Variants in STK40 observed in about 807,000 individuals in gnomAD.
STK40 encodes the protein serine/threonine kinase 40, also known as serine/threonine-protein kinase 40.
STK40 carries 13 observed loss-of-function variants against 47.9 expected under a neutral mutation model. The ratio of observed to expected loss-of-function variants is 0.27; its 90% CI spans 0.18 to 0.43. STK40 has a LOEUF of 0.43. STK40 is among the 20% of genes least tolerant of loss of function. The pLI, the probability that STK40 is intolerant of heterozygous loss-of-function variation, is 1.00. For missense variants in STK40, 460 were observed against 595.1 expected (o/e 0.77, Z 2.36); for synonymous variants, 225 against 243.2 (o/e 0.93, Z 0.69).
intron 6 of STK40, among the ~76,000 whole-genome samples, chr1:36,349,034 C>G (rs546455270): frequency 2.0e-5 from 3 of 152,234 alleles, no homozygotes; most frequent in Non-Finnish European, 4.4e-5. Flanking sequence ...GCTGTCCCAG[C>G]AGGGATCGGC....
intron 9 of STK40, 84 bp from the exon 10 acceptor site, chr1:36,343,532 G>C (rs1646673067): frequency 7.6e-7 from 1 of 1,321,164 alleles, no homozygotes; most frequent in South Asian, 1.4e-5. Flanking sequence ...GACACACCTG[G>C]GTTGTGTTCC....
intron 1 of STK40, among the ~76,000 whole-genome samples, chr1:36,378,371 G>C (rs1647009679): frequency 6.6e-6 from 1 of 152,200 alleles, no homozygotes; most frequent in Admixed American, 6.5e-5. Context: ...CTGAGCCTGA[G>C]TGTTCTCTGT....
intron 6 of STK40, among the ~76,000 whole-genome samples, chr1:36,351,289 C>A (rs1164883360): frequency 1.3e-5 from 2 of 151,936 alleles, no homozygotes; most frequent in Non-Finnish European, 2.9e-5. Flanking sequence ...CCAACACCTC[C>A]CCCTGTCTGC....
At chr1:36,345,044 C>G (rs371910709) in intron 7 of STK40, among the ~76,000 whole-genome samples, 3 of 152,350 alleles carry the variant, frequency 2.0e-5, no homozygotes, top group African/African-American at 7.2e-5. Context: ...CTGCTTGCCT[C>G]CTTTCAGGGC....
chr1:36,361,205 A>G lies in STK40; in HGVS notation c.112+16T>C. 1 of 1,613,722 alleles carries G rather than the reference A, an allele frequency of 6.2e-7. No individual in the cohort carries two copies. Among genetic ancestry groups the G allele is most frequent in the Non-Finnish European group, 8.5e-7 (1 of 1,179,926 alleles). On this transcript the variant is annotated intron_variant, in intron 2 of 10. Transcript: ENST00000373132. ...CCTCCCAGCCCACCCATTTTTCCCA[A>G]AGGTCAGAGGCTTACCAAGGATGAA... is the stretch of plus-strand genomic sequence containing the variant.
At chr1:36,355,838 T>C (rs1646798683) in intron 4 of STK40, among the ~76,000 whole-genome samples, 1 of 152,136 alleles carries the variant, frequency 6.6e-6, no homozygotes, top group Non-Finnish European at 1.5e-5. Flanking sequence ...ATATCTAAGA[T>C]GGCGGAAGTT....
intron 6 of STK40, among the ~76,000 whole-genome samples, chr1:36,353,160 TG>T (rs1299671901): frequency 6.6e-6 from 1 of 152,220 alleles, no homozygotes; most frequent in Non-Finnish European, 1.5e-5. Flanking sequence ...ACACTTCTGC[TG>T]TGAGATTCAG....
At chr1:36,352,834 T>C (rs1275595334) in intron 6 of STK40, among the ~76,000 whole-genome samples, 2 of 152,248 alleles carry the variant, frequency 1.3e-5, no homozygotes, top group East Asian at 3.8e-4. Context: ...CAGAGGGTAG[T>C]GGGAACCACT....
intron 1 of STK40, among the ~76,000 whole-genome samples, chr1:36,361,844 T>C (rs939842982): frequency 6.6e-6 from 1 of 152,136 alleles, no homozygotes; most frequent in Non-Finnish European, 1.5e-5. Flanking sequence ...AGGAATGGGA[T>C]GCTTGTTACA....
At chr1:36,349,943 G>A (rs899586927) in intron 6 of STK40, among the ~76,000 whole-genome samples, 3 of 152,146 alleles carry the variant, frequency 2.0e-5, no homozygotes, top group Admixed American at 6.5e-5. Flanking sequence ...GCTCCATGGG[G>A]GCCTTGGGCT....
intron 1 of STK40, among the ~76,000 whole-genome samples, chr1:36,376,779 C>T (rs551283368): frequency 2.6e-4 from 39 of 151,840 alleles, no homozygotes; most frequent in Non-Finnish European, 4.3e-4. Flanking sequence ...CTTTTGAATA[C>T]GCATAGGCAA....
At chr1:36,361,166 G>GCT in intron 2 of STK40, 55 bp downstream of exon 2, 2 of 1,601,934 alleles carry the variant, frequency 1.2e-6, no homozygotes, top group South Asian at 2.2e-5. Flanking sequence ...GCGAGCCAAT[G>GCT]TGCCCTGCCC....
rs78991819 is a variant in STK40, at chr1:36,383,831, G to A, written c.-9+1892C>T. Reference sequence around the variant, plus strand: ...AACTATGAGTTTATTTGTCTATCTCGCTCTCAAAGTATTCATTCTCACCTG... The same window carrying A: ...AACTATGAGTTTATTTGTCTATCTCACTCTCAAAGTATTCATTCTCACCTG... On this transcript the variant is annotated intron_variant, in intron 1 of 10. Transcript: ENST00000373132. Among the ~76,000 whole-genome samples, 196 of 151,694 alleles carry A rather than the reference G, an allele frequency of 1.3e-3. 3 individuals are homozygous for A. The East Asian group carries it at 0.034, about 26-fold the overall frequency.
In STK40 at chr1:36,341,492, G is replaced by A. The variant is rs1345349803; in HGVS notation, c.*263C>T. ...GAGACAGCATGGTTAAAGAGACAGAGGTAGATTAAAACATCGTGATTAAAA... is the reference window on the plus strand; with the variant it reads ...GAGACAGCATGGTTAAAGAGACAGAAGTAGATTAAAACATCGTGATTAAAA... On this transcript the variant is annotated 3_prime_UTR_variant, in exon 11 of 11. Coordinates refer to ENST00000373132, the MANE Select transcript of STK40 (RefSeq NM_001282547.2). 4.0e-6 allele frequency: 2 copies of A among 502,780 alleles called. No individual in the cohort carries two copies. The highest frequency in any genetic ancestry group is 1.9e-5 in the African/African-American group (1 of 51,718). 31.1% of individuals were successfully genotyped at this position (502,780 alleles called of 1,614,324 possible).
In STK40 at chr1:36,361,484, AAGGC is replaced by A. The variant is rs1255755383; in HGVS notation, c.-8-148_-8-145del. ...TCCTCCTGCTACCAGGGGAGCATCC[AAGGC>A]TCCAAGTGACAAAGAACCACAGCTC... On this transcript the variant is annotated intron_variant, in intron 1 of 10. Coordinates refer to ENST00000373132, the MANE Select transcript of STK40 (RefSeq NM_001282547.2). 4.5e-4 allele frequency: 644 copies of A among 1,424,836 alleles called. 1 individual carries two copies. The highest frequency in any genetic ancestry group is 8.8e-4 in the Admixed American group (33 of 37,334). 88.3% of individuals were successfully genotyped at this position (1,424,836 alleles called of 1,614,324 possible).
chr1:36,341,396 T>A lies in STK40; in HGVS notation c.*359A>T. ...GGACTGTGGGGAGCAGCGCCCCAGG[T>A]CAGTTGGTGGCCGCTGGGGAAGGCC... On this transcript the variant is annotated 3_prime_UTR_variant, in exon 11 of 11. Transcript: ENST00000373132. 8.7e-6 allele frequency: 2 copies of A among 228,882 alleles called. No homozygotes were observed. The highest frequency in any genetic ancestry group is 1.8e-5 in the Non-Finnish European group (2 of 112,618). The allele number at this position is 228,882 out of a possible 1,614,324, so 14.2% of individuals were successfully genotyped here.
At chr1:36,352,019 G>A (rs995366840) in intron 6 of STK40, among the ~76,000 whole-genome samples, 5 of 152,208 alleles carry the variant, frequency 3.3e-5, no homozygotes, top group African/African-American at 1.2e-4. Flanking sequence ...GGATGGGACT[G>A]GCCCAAGGCC....
chr1:36,349,770 G>A (rs1243740175), intron 6 of STK40, among the ~76,000 whole-genome samples: 1 of 152,058 alleles, frequency 6.6e-6, no homozygotes, highest in African/African-American at 2.4e-5. Context: ...ACTGGGGGCT[G>A]GGAGGGTGGG....
At chr1:36,344,574 G>GAACA (rs1646683472) in intron 7 of STK40, among the ~76,000 whole-genome samples, 1 of 152,216 alleles carries the variant, frequency 6.6e-6, no homozygotes, top group African/African-American at 2.4e-5. Context: ...AGGGGGTCAA[G>GAACA]AACACTGGCA....
Sources: gnomAD v4.1 joint callset for allele counts (sites outside exome capture counted in the v4.1 genomes callset) on GRCh38, gnomAD v4.1.1 for gene constraint, MANE v1.5 for transcripts, NCBI Gene and HGNC (gene_info 2026-07-23, HGNC 2026-07-21) for gene names.